ALX4: variants seen among roughly 807,000 people sequenced by gnomAD.
The protein encoded by ALX4 is ALX homeobox 4.
Under a neutral mutation model 40.6 loss-of-function variants are expected in ALX4, and 22 were observed. The observed-to-expected ratio is 0.54, with a 90% confidence interval of 0.39 to 0.77. ALX4 has a LOEUF of 0.77. Among genes scored for constraint, ALX4 ranks in the 30% least tolerant of loss-of-function variants. The probability of loss-of-function intolerance (pLI) is 0.00; values close to 1 mark genes in which losing one functional copy is unlikely to be tolerated. For synonymous variants in ALX4, 266 were observed against 240.5 expected, an observed-to-expected ratio of 1.11 and a Z score of -0.98; for missense variants, 556 against 564.8, an observed-to-expected ratio of 0.98 and a Z score of 0.16.
At chr11:44,278,656 C>T (rs1351284791) in intron 1 of ALX4, among the ~76,000 whole-genome samples, 2 of 152,174 alleles carry the variant, frequency 1.3e-5, no homozygotes, top group African/African-American at 2.4e-5. Flanking sequence ...ACAGGGTGTG[C>T]GAAGACCACC....
intron 1 of ALX4, among the ~76,000 whole-genome samples, chr11:44,301,124 GCA>G (rs2119888154): frequency 6.6e-6 from 1 of 152,364 alleles, no homozygotes; most frequent in African/African-American, 2.4e-5. Flanking sequence ...ATAGTGACAG[GCA>G]AAGTTTGGTG....
intron 2 of ALX4, among the ~76,000 whole-genome samples, chr11:44,274,272 G>A (rs1382716439): frequency 1.3e-5 from 2 of 152,150 alleles, no homozygotes; most frequent in African/African-American, 4.8e-5. Context: ...AGTGGGTTGA[G>A]TGTGTCAGGT....
intron 1 of ALX4, among the ~76,000 whole-genome samples, chr11:44,307,188 C>A (rs1037764614): frequency 4.6e-5 from 7 of 151,954 alleles, no homozygotes; most frequent in African/African-American, 1.7e-4. Context: ...GCAGGGGTAG[C>A]GGGGGCTCTT....
At chr11:44,286,495 G>A (rs997829699) in intron 1 of ALX4, among the ~76,000 whole-genome samples, 5 of 152,166 alleles carry the variant, frequency 3.3e-5, no homozygotes, top group African/African-American at 1.2e-4. Flanking sequence ...GCCACCAGGA[G>A]GCACTGCAGT....
chr11:44,289,055 C>G (rs4755808), intron 1 of ALX4, among the ~76,000 whole-genome samples: 151,212 of 152,226 alleles, frequency 0.99, 75,117 homozygotes, highest in East Asian at 1. Context: ...GGAAGAGATG[C>G]ATGAGGGACA....
At position 44,263,632 on chromosome 11, in the gene ALX4, T is replaced by G. The variant is rs964458023; in HGVS notation, c.*1222A>C. ...CCTGGAGGGACACAGAGCCCCCATC[T>G]GCCGTGGAAGGCTCTGGGCAGCGAT... is the stretch of plus-strand genomic sequence containing the variant. On this transcript the variant is annotated 3_prime_UTR_variant, in exon 4 of 4. Transcript: ENST00000652299. 3 of 152,392 alleles carry G rather than the reference T, an allele frequency of 2.0e-5. No individual in the cohort carries two copies. The highest frequency in any genetic ancestry group is 4.4e-5 in the Non-Finnish European group (3 of 68,144). 9.4% of individuals were successfully genotyped at this position (152,392 alleles called of 1,614,324 possible). A position where few individuals can be genotyped will look rare whatever the true frequency, so the allele number is the denominator to read the frequency against.
chr11:44,260,620 T>C lies in ALX4; in HGVS notation c.*4234A>G, dbSNP rs1335925792. 2 of 152,212 alleles carry C rather than the reference T, an allele frequency of 1.3e-5. No homozygotes were observed. Among genetic ancestry groups the C allele is most frequent in the East Asian group, 3.8e-4 (2 of 5,196 alleles). The allele number at this position is 152,212 out of a possible 1,614,324, so 9.4% of individuals were successfully genotyped here. A position where few individuals can be genotyped will look rare whatever the true frequency, so the allele number is the denominator to read the frequency against. Reference sequence around the variant, plus strand: ...TCTCCCAAAAAAGATGTAAGTGCAATAACTTACTTTAAAAGGCAAGAACGT... The same window carrying C: ...TCTCCCAAAAAAGATGTAAGTGCAACAACTTACTTTAAAAGGCAAGAACGT... On this transcript the variant is annotated 3_prime_UTR_variant, in exon 4 of 4. Transcript: ENST00000652299.
intron 1 of ALX4, among the ~76,000 whole-genome samples, chr11:44,288,276 CAG>C (rs1956350659): frequency 1.3e-5 from 2 of 152,200 alleles, no homozygotes; most frequent in African/African-American, 2.4e-5. Context: ...GAGAGAGACA[CAG>C]AGAGAGACCC....
chr11:44,293,176 C>G (rs866606340), intron 1 of ALX4, among the ~76,000 whole-genome samples: 10,877 of 59,230 alleles, frequency 0.18, 2,173 homozygotes, highest in Middle Eastern at 0.23. Context: ...AGGAAGCAGG[C>G]AGGCAGGGAG....
intron 2 of ALX4, among the ~76,000 whole-genome samples, chr11:44,272,967 GA>G (rs1256697364): frequency 3.9e-5 from 6 of 152,022 alleles, no homozygotes; most frequent in Admixed American, 1.3e-4. Flanking sequence ...AGCCATTTTG[GA>G]AAAAAAGTTT....
chr11:44,287,575 A>G (rs1381904136), intron 1 of ALX4, among the ~76,000 whole-genome samples: 2 of 148,648 alleles, frequency 1.3e-5, no homozygotes, highest in African/African-American at 5.0e-5. Flanking sequence ...AGCCTGGGTG[A>G]CAGAGGCAGA....
intron 3 of ALX4, 27 bp from the exon 4 acceptor site, chr11:44,265,210 C>G (rs770630271): frequency 1.3e-6 from 2 of 1,573,624 alleles, no homozygotes; most frequent in Admixed American, 1.8e-5. Context: ...GAGATGTCAC[C>G]GGCTGGCGGG....
intron 1 of ALX4, among the ~76,000 whole-genome samples, chr11:44,296,039 A>G (rs1177263349): frequency 6.6e-6 from 1 of 152,200 alleles, no homozygotes; most frequent in Non-Finnish European, 1.5e-5. Flanking sequence ...AGGCAAGGAG[A>G]TGAACGGATG....
intron 1 of ALX4, among the ~76,000 whole-genome samples, chr11:44,299,595 T>G (rs1254872989): frequency 6.6e-6 from 1 of 152,016 alleles, no homozygotes; most frequent in South Asian, 2.1e-4. Context: ...CTCCTGACTT[T>G]GTGATCCGCC....
intron 2 of ALX4, among the ~76,000 whole-genome samples, chr11:44,271,766 A>T (rs1258531320): frequency 2.0e-5 from 3 of 152,180 alleles, no homozygotes; most frequent in African/African-American, 7.2e-5. Context: ...GTGGCAACTG[A>T]AAAATGCTCT....
At chr11:44,303,357 G>T (rs11037948) in intron 1 of ALX4, among the ~76,000 whole-genome samples, 2 of 151,982 alleles carry the variant, frequency 1.3e-5, no homozygotes, top group Non-Finnish European at 2.9e-5. Context: ...TTGACCAAGC[G>T]GTCCCGAGTA....
chr11:44,276,920 G>A (rs1467822345), intron 1 of ALX4, among the ~76,000 whole-genome samples: 1 of 152,160 alleles, frequency 6.6e-6, no homozygotes, highest in Non-Finnish European at 1.5e-5. Context: ...CCTCCTGTGT[G>A]CGGCCCGGTT....
At chr11:44,268,951 G>A (rs899897407) in intron 2 of ALX4, among the ~76,000 whole-genome samples, 1 of 152,232 alleles carries the variant, frequency 6.6e-6, no homozygotes, top group Non-Finnish European at 1.5e-5. Context: ...GCCTTGCCAG[G>A]CCCTTCCAGG....
intron 1 of ALX4, among the ~76,000 whole-genome samples, chr11:44,307,115 C>A (rs978105072): frequency 1.3e-5 from 2 of 149,790 alleles, no homozygotes; most frequent in African/African-American, 4.9e-5. Flanking sequence ...GAATTGGGTG[C>A]TCTCGAGTTC....
Sources: gnomAD v4.1 joint callset for allele counts (sites outside exome capture counted in the v4.1 genomes callset) on GRCh38, gnomAD v4.1.1 for gene constraint, MANE v1.5 for transcripts, NCBI Gene and HGNC (gene_info 2026-07-23, HGNC 2026-07-21) for gene names.